ELP4: variants seen among roughly 807,000 people sequenced by gnomAD.
ELP4 encodes elongator complex protein 4.
Under a neutral mutation model 48.9 loss-of-function variants are expected in ELP4, and 51 were observed. That is an observed-to-expected ratio of 1.04 (90% CI 0.83 to 1.32). ELP4 has a LOEUF of 1.32. Among genes scored for constraint, ELP4 ranks in the 40% most tolerant of loss-of-function variants. The pLI, the probability that ELP4 is intolerant of heterozygous loss-of-function variation, is 0.00. For missense variants in ELP4, 519 were observed against 514.6 expected (o/e 1.01, Z -0.08); for synonymous variants, 210 against 189.2 (o/e 1.11, Z -0.90).
At chr11:31,765,256 A>T (rs1020898895) in intron 9 of ELP4, among the ~76,000 whole-genome samples, 2 of 152,178 alleles carry the variant, frequency 1.3e-5, no homozygotes, top group Non-Finnish European at 2.9e-5. Context: ...TAACAAAAAA[A>T]AATTGTATAC....
Position 31,649,970 on chromosome 11 carries a change from T to C in ELP4, c.1037-145T>C, listed in dbSNP as rs867556986. On this transcript the variant is annotated intron_variant, in intron 8 of 9. Transcript: ENST00000640961. ...ACTTGAGTATAATCACACCATTTGC[T>C]TCATTGCTCCTGGTAGTAAGCTCCA... 14 of 465,356 alleles carry C rather than the reference T, an allele frequency of 3.0e-5. No individual in the cohort carries two copies. In the South Asian group the frequency reaches 5.3e-4, roughly 18 times the overall value. The allele number at this position is 465,356 out of a possible 1,614,324, so 28.8% of individuals were successfully genotyped here.
chr11:31,517,467 CAAAG>C (rs934834113), intron 1 of ELP4, among the ~76,000 whole-genome samples: 3 of 151,934 alleles, frequency 2.0e-5, no homozygotes, highest in African/African-American at 7.3e-5. Context: ...CCCAACCTAT[CAAAG>C]GAACTTTTGT....
intron 3 of ELP4, 130 bp from the exon 4 acceptor site, chr11:31,594,640 T>A (rs1957642507): frequency 4.0e-6 from 2 of 499,712 alleles, no homozygotes; most frequent in Non-Finnish European, 6.7e-6. Context: ...TTTATGAATT[T>A]GTATTTAAAT....
chr11:31,518,349 G>A (rs1180358448), intron 1 of ELP4, among the ~76,000 whole-genome samples: 2 of 151,294 alleles, frequency 1.3e-5, no homozygotes, highest in East Asian at 2.0e-4. Context: ...CAGGTGATCC[G>A]CCCGCCTCAG....
chr11:31,698,562 G>A (rs750131641), intron 9 of ELP4, among the ~76,000 whole-genome samples: 3 of 151,954 alleles, frequency 2.0e-5, no homozygotes, highest in Admixed American at 1.3e-4. Flanking sequence ...ACAGGCGTGG[G>A]CCACCACTCC....
chr11:31,602,755 A>G (rs1218048266), intron 4 of ELP4, among the ~76,000 whole-genome samples: 2 of 151,906 alleles, frequency 1.3e-5, no homozygotes, highest in African/African-American at 2.4e-5. Flanking sequence ...AGTATCTACT[A>G]TGTATAGTTC....
chr11:31,776,846 C>T (rs1403003652), intron 9 of ELP4, among the ~76,000 whole-genome samples: 1 of 152,108 alleles, frequency 6.6e-6, no homozygotes, highest in African/African-American at 2.4e-5. Context: ...TAATCTTAAA[C>T]CCTGGGCATG....
Position 31,660,319 on chromosome 11 carries a change from T to C in ELP4, c.1143+10098T>C, listed in dbSNP as rs1945528579. The stretch of plus-strand genomic sequence containing the variant: ...TTGAAAAAGATGGTAACAAAAAGCT[T>C]CTTGGTGCAATTAAAGGTCACTTGT... On this transcript the variant is annotated intron_variant, in intron 9 of 9. Coordinates refer to ENST00000640961, the MANE Select transcript of ELP4 (RefSeq NM_019040.5). Among the ~76,000 whole-genome samples, 5 of 152,258 alleles carry C rather than the reference T, an allele frequency of 3.3e-5. No homozygotes were observed. In the South Asian group the frequency reaches 1.0e-3, roughly 32 times the overall value.
chr11:31,749,783 A>T (rs974232999), intron 9 of ELP4, among the ~76,000 whole-genome samples: 2 of 152,088 alleles, frequency 1.3e-5, no homozygotes, highest in Non-Finnish European at 2.9e-5. Flanking sequence ...AACTAAATAG[A>T]TGCATTTCTT....
intron 3 of ELP4, among the ~76,000 whole-genome samples, chr11:31,572,116 G>T (rs10835788): frequency 0.64 from 97,757 of 152,082 alleles, 33,374 homozygotes; most frequent in African/African-American, 0.89. Flanking sequence ...AGAAGGCAGT[G>T]TCATCTACAT....
intron 9 of ELP4, among the ~76,000 whole-genome samples, chr11:31,724,437 G>A (rs1947032249): frequency 2.0e-5 from 3 of 152,180 alleles, no homozygotes; most frequent in Non-Finnish European, 4.4e-5. Flanking sequence ...TAATTATAAT[G>A]GAGGCATTGC....
chr11:31,575,494 T>C (rs1385385369), intron 3 of ELP4, among the ~76,000 whole-genome samples: 1 of 152,002 alleles, frequency 6.6e-6, no homozygotes, highest in African/African-American at 2.4e-5. Context: ...ATTGTCAGAC[T>C]CACCAAAGTT....
intron 3 of ELP4, among the ~76,000 whole-genome samples, chr11:31,574,325 A>G (rs950928901): frequency 2.0e-5 from 3 of 152,118 alleles, no homozygotes; most frequent in Non-Finnish European, 4.4e-5. Context: ...AGCTAAGGAA[A>G]CCTGCCTGCC....
At chr11:31,589,842 T>G (rs1374173294) in intron 3 of ELP4, among the ~76,000 whole-genome samples, 1 of 152,230 alleles carries the variant, frequency 6.6e-6, no homozygotes, top group Non-Finnish European at 1.5e-5. Flanking sequence ...AAAACATCTT[T>G]ATCAGTGTTA....
At chr11:31,571,872 C>T (rs1957198741) in intron 3 of ELP4, among the ~76,000 whole-genome samples, 1 of 152,166 alleles carries the variant, frequency 6.6e-6, no homozygotes, top group South Asian at 2.1e-4. Flanking sequence ...ATGTTGTTTA[C>T]AGATGTGCTA....
rs367761111 is a variant in ELP4 at position 31,545,502 on chromosome 11, G to A, written c.381+5719G>A. Among the ~76,000 whole-genome samples, 1,125 of 151,768 alleles carry A rather than the reference G, an allele frequency of 7.4e-3. 12 individuals are homozygous for A. The highest frequency in any genetic ancestry group is 0.013 in the Non-Finnish European group (882 of 68,016). On this transcript the variant is annotated intron_variant, in intron 3 of 9. Transcript: ENST00000640961. ...GACTATGTGAAAAGACCAAATCTACGTCTGATTGGTGTACCTGAAAGTGAT... is the reference window on the plus strand; with the variant it reads ...GACTATGTGAAAAGACCAAATCTACATCTGATTGGTGTACCTGAAAGTGAT...
intron 3 of ELP4, among the ~76,000 whole-genome samples, chr11:31,564,662 A>G (rs1957076989): frequency 6.6e-6 from 1 of 152,124 alleles, no homozygotes; most frequent in African/African-American, 2.4e-5. Context: ...GTTTGCTGAG[A>G]ATGATGGTTT....
At chr11:31,515,702 G>T (rs1956098989) in intron 1 of ELP4, among the ~76,000 whole-genome samples, 1 of 152,030 alleles carries the variant, frequency 6.6e-6, no homozygotes. Flanking sequence ...AAATGGTAAA[G>T]GTAGCTCTTT....
chr11:31,546,919 G>A (rs1956732562), intron 3 of ELP4, among the ~76,000 whole-genome samples: 1 of 152,126 alleles, frequency 6.6e-6, no homozygotes, highest in Non-Finnish European at 1.5e-5. Flanking sequence ...CAGAAATAAA[G>A]ATGTTCTTTG....
Sources: gnomAD v4.1 joint callset for allele counts (sites outside exome capture counted in the v4.1 genomes callset) on GRCh38, gnomAD v4.1.1 for gene constraint, MANE v1.5 for transcripts, NCBI Gene and HGNC (gene_info 2026-07-23, HGNC 2026-07-21) for gene names.